NACC2: variants seen among roughly 807,000 people sequenced by gnomAD.
NACC2 encodes the protein NACC family member 2.
Under a neutral mutation model 25.1 loss-of-function variants are expected in NACC2, and 8 were observed. The observed-to-expected ratio is 0.32, with a 90% CI of 0.19 to 0.57. The LOEUF (loss-of-function observed/expected upper bound fraction) is 0.57, where lower values mean the gene tolerates loss of function less well. Among genes scored for constraint, NACC2 ranks in the 20% least tolerant of loss-of-function variants. The probability of loss-of-function intolerance (pLI) is 0.89; values close to 1 mark genes in which losing one functional copy is unlikely to be tolerated. For missense variants in NACC2, 644 were observed against 650.2 expected (o/e 0.99, Z 0.10); for synonymous variants, 435 against 294.7 (o/e 1.48, Z -4.88).
chr9:136,071,529 T>G, intron 1 of NACC2, among the ~76,000 whole-genome samples: 1 of 106,294 alleles, frequency 9.4e-6, no homozygotes, highest in East Asian at 2.6e-4. Flanking sequence ...GATGATAGAG[T>G]GAGACTCCAT....
chr9:136,082,917 G>A (rs1218940129), intron 1 of NACC2, among the ~76,000 whole-genome samples: 2 of 152,168 alleles, frequency 1.3e-5, no homozygotes, highest in African/African-American at 2.4e-5. Flanking sequence ...CCCTCTCTAC[G>A]CCTAGGATTT....
intron 1 of NACC2, among the ~76,000 whole-genome samples, chr9:136,090,830 C>T (rs949975618): frequency 4.0e-5 from 6 of 151,402 alleles, no homozygotes; most frequent in Non-Finnish European, 7.4e-5. Flanking sequence ...GAGCTGGGGC[C>T]GGCCAGCCCT....
At chr9:136,083,465 T>A (rs1293867014) in intron 1 of NACC2, among the ~76,000 whole-genome samples, 1 of 152,074 alleles carries the variant, frequency 6.6e-6, no homozygotes, top group Admixed American at 6.5e-5. Flanking sequence ...CACCCCAAAC[T>A]CGAATGTGAC....
At position 136,020,658 on chromosome 9, in the gene NACC2, T is replaced by C. The variant is rs780598885; in HGVS notation, c.887-4229A>G. On this transcript the variant is annotated intron_variant, in intron 2 of 5. Transcript: ENST00000277554. This position sits in a 1 kb window ranked among gnomAD's most constrained non-coding sequence, Gnocchi z 4.7. ...ATGATACAGAAATATACAACTTAAA[T>C]GCAAATGGACAGAACAGTGCTGAAT... Among the ~76,000 whole-genome samples, 1 of 152,156 alleles carries C rather than the reference T, an allele frequency of 6.6e-6. No homozygotes were observed. Among genetic ancestry groups the C allele is most frequent in the Non-Finnish European group, 1.5e-5 (1 of 68,016 alleles).
At chr9:136,093,343 C>T (rs1341914722) in intron 1 of NACC2, among the ~76,000 whole-genome samples, 1 of 152,188 alleles carries the variant, frequency 6.6e-6, no homozygotes, top group African/African-American at 2.4e-5. Flanking sequence ...TTTTAAAAGT[C>T]ACCACTAGCC....
intron 2 of NACC2, among the ~76,000 whole-genome samples, chr9:136,039,616 C>A (rs943886349): frequency 6.6e-6 from 1 of 151,952 alleles, no homozygotes; most frequent in African/African-American, 2.4e-5. Flanking sequence ...TATGTAAACA[C>A]TGTAATACAA....
In NACC2 at chr9:136,018,073, T is replaced by C. The variant is rs1840229845; in HGVS notation, c.887-1644A>G. Among the ~76,000 whole-genome samples, 1 of 151,272 alleles carries C rather than the reference T, an allele frequency of 6.6e-6. No homozygotes were observed. Among genetic ancestry groups the C allele is most frequent in the African/African-American group, 2.4e-5 (1 of 41,096 alleles). On this transcript the variant is annotated intron_variant, in intron 2 of 5. Transcript: ENST00000277554. This position sits in a 1 kb window ranked among gnomAD's most constrained non-coding sequence, Gnocchi z 4.4. ...GGTCTCAGCTGTGCAGAGGGAGGGG[T>C]GGGGTGGAACCTGCACGTCCAGCAG...
Position 136,044,377 on chromosome 9 carries a change from T to C in NACC2, c.886+5259A>G, listed in dbSNP as rs1031044165. 6.6e-5 allele frequency among the ~76,000 whole-genome samples: 10 copies of C among 152,282 alleles called. No individual in the cohort carries two copies. The East Asian group carries it at 1.9e-3, about 30-fold the overall frequency. Reference sequence around the variant, plus strand: ...AAATAATTACAAAATTAGCTGGGCATAGCGGCACATGACTGTGGTCTCGGC... The same window carrying C: ...AAATAATTACAAAATTAGCTGGGCACAGCGGCACATGACTGTGGTCTCGGC... On this transcript the variant is annotated intron_variant, in intron 2 of 5. Transcript: ENST00000277554.
chr9:136,050,653 C>T, intron 1 of NACC2, 73 bp from the exon 2 acceptor site: 3 of 656,814 alleles, frequency 4.6e-6, no homozygotes, highest in Non-Finnish European at 8.3e-6. Context: ...CGTTCCCACC[C>T]CCTCCTCCCC....
chr9:136,085,424 C>T (rs968828232), intron 1 of NACC2, among the ~76,000 whole-genome samples: 9 of 148,862 alleles, frequency 6.0e-5, no homozygotes, highest in African/African-American at 2.0e-4. Flanking sequence ...GAGGCTGAGG[C>T]GGGGAGATCA....
chr9:136,056,571 G>T (rs1840927879), intron 1 of NACC2, among the ~76,000 whole-genome samples: 1 of 152,224 alleles, frequency 6.6e-6, no homozygotes, highest in African/African-American at 2.4e-5. Flanking sequence ...GACCTGCCAG[G>T]GCCCTAAGGA....
At position 136,034,635 on chromosome 9, in the gene NACC2, G is replaced by A. The variant is rs201139083; in HGVS notation, c.886+15001C>T. On this transcript the variant is annotated intron_variant, in intron 2 of 5. Transcript: ENST00000277554. Reference sequence around the variant, plus strand: ...GTCTAGGATGCGCCTGGAATGTTTTGCTGAAAGCAAGAAAATGCTTTAAAA... The same window carrying A: ...GTCTAGGATGCGCCTGGAATGTTTTACTGAAAGCAAGAAAATGCTTTAAAA... Among the ~76,000 whole-genome samples, 197 of 151,190 alleles carry A rather than the reference G, an allele frequency of 1.3e-3. 2 individuals are homozygous for A. In the East Asian group the frequency reaches 0.022, roughly 17 times the overall value.
chr9:136,049,575 G>T, intron 2 of NACC2, 61 bp downstream of exon 2: 7 of 724,920 alleles, frequency 9.7e-6, no homozygotes, highest in Non-Finnish European at 1.8e-5. Context: ...TGAGCCACCC[G>T]GGTCCCAGGC....
At chr9:136,041,246 A>C (rs1588567568) in intron 2 of NACC2, among the ~76,000 whole-genome samples, 1 of 152,062 alleles carries the variant, frequency 6.6e-6, no homozygotes, top group African/African-American at 2.4e-5. Context: ...ATGTGGTGAA[A>C]CCTCGTCTCT....
chr9:136,026,985 C>G (rs561973851), intron 2 of NACC2, among the ~76,000 whole-genome samples: 1 of 152,260 alleles, frequency 6.6e-6, no homozygotes, highest in South Asian at 2.1e-4. Context: ...TCCCAGCACT[C>G]TGGGAGGCTG....
chr9:136,041,117 G>GAAGGAAGGAAAGGAAGGAAGGA (rs1840624674), intron 2 of NACC2, among the ~76,000 whole-genome samples: 44 of 152,046 alleles, frequency 2.9e-4, no homozygotes, highest in African/African-American at 9.6e-4. Context: ...GGAAGGAAAG[G>GAAGGAAGGAAAGGAAGGAAGGA]AAGGAAGCAA....
intron 1 of NACC2, among the ~76,000 whole-genome samples, chr9:136,089,402 C>G (rs1830412850): frequency 6.6e-6 from 1 of 152,052 alleles, no homozygotes; most frequent in Non-Finnish European, 1.5e-5. Context: ...GGCCTGACTT[C>G]CAGGCGAAGG....
In NACC2 at chr9:136,008,867, G is replaced by T. The variant is rs1302931677; in HGVS notation, c.*2649C>A. ...CTGGCCCGCCCGGGGCGCAGGGAGA[G>T]CTCAGAACCCATTCACATTAAATTA... is the stretch of plus-strand genomic sequence containing the variant. On this transcript the variant is annotated 3_prime_UTR_variant, in exon 6 of 6. Transcript: ENST00000277554. The T allele has an allele frequency of 1.3e-5, 2 of 152,330 alleles. No individual in the cohort carries two copies. The highest frequency in any genetic ancestry group is 3.8e-4 in the East Asian group (2 of 5,204). 9.4% of individuals were successfully genotyped at this position (152,330 alleles called of 1,614,324 possible). A position where few individuals can be genotyped will look rare whatever the true frequency, so the allele number is the denominator to read the frequency against.
At chr9:136,034,038 G>C (rs1487087377) in intron 2 of NACC2, among the ~76,000 whole-genome samples, 3 of 151,906 alleles carry the variant, frequency 2.0e-5, no homozygotes, top group African/African-American at 7.3e-5. Context: ...AAGAGTTAGA[G>C]AAAATATTTA....
Sources: allele counts gnomAD v4.1 joint callset (sites outside exome capture counted in the v4.1 genomes callset), GRCh38; gene constraint gnomAD v4.1.1; non-coding constraint Gnocchi (gnomAD v3.1); transcripts MANE v1.5; gene names NCBI Gene and HGNC (gene_info 2026-07-23, HGNC 2026-07-21).